The following ADCY10 variants were observed in gnomAD, a reference collection of about 807,000 sequenced individuals.
ADCY10 encodes adenylate cyclase 10, also known as adenylate cyclase type 10.
A neutral mutation model predicts 183.3 loss-of-function variants in ADCY10; 156 were observed. The ratio of observed to expected loss-of-function variants is 0.85; its 90% confidence interval spans 0.75 to 0.97. ADCY10 has a LOEUF of 0.97. Ranked by LOEUF, ADCY10 falls within the 50% of genes least tolerant of loss-of-function variation. The pLI, the probability that ADCY10 is intolerant of heterozygous loss-of-function variation, is 0.00. For synonymous variants in ADCY10, 645 were observed against 670.0 expected (o/e 0.96, Z 0.58); for missense variants, 1,745 against 1,934.3 (o/e 0.90, Z 1.84).
At chr1:167,900,682 G>A (rs368777510) in intron 5 of ADCY10, among the ~76,000 whole-genome samples, 3 of 151,996 alleles carry the variant, frequency 2.0e-5, no homozygotes, top group Non-Finnish European at 2.9e-5. Flanking sequence ...ACAGGCACCC[G>A]CCATCACGCC....
chr1:167,872,591 T>C (rs950680552), intron 13 of ADCY10, among the ~76,000 whole-genome samples: 16 of 151,860 alleles, frequency 1.1e-4, no homozygotes, highest in African/African-American at 3.9e-4. Context: ...TTATTTATTA[T>C]AGTTTTGTTG....
chr1:167,912,156 C>A (rs1292264111), intron 1 of ADCY10, among the ~76,000 whole-genome samples: 1 of 152,118 alleles, frequency 6.6e-6, no homozygotes, highest in Non-Finnish European at 1.5e-5. Context: ...TTTATTATGA[C>A]CTTTTTATGT....
At chr1:167,881,109 T>C (rs1239887904) in intron 9 of ADCY10, among the ~76,000 whole-genome samples, 2 of 152,218 alleles carry the variant, frequency 1.3e-5, no homozygotes, top group African/African-American at 2.4e-5. Flanking sequence ...AAAGAATTAA[T>C]GTGTTATATA....
At position 167,861,041 on chromosome 1, in the gene ADCY10, TA is replaced by T; in HGVS notation, c.1638del (p.Asn546LysfsTer20). The T allele has an allele frequency of 6.2e-7, 1 of 1,614,134 alleles. No homozygotes were observed. The highest frequency in any genetic ancestry group is 8.5e-7 in the Non-Finnish European group (1 of 1,179,980). Reference protein sequence around the residue: ...KNHRIIAISLNKISFHQTFYT... With the variant: ...KNHRIIAISLXKISFHQTFYT... Reference sequence around the variant, plus strand: ...TAGAAAGTTTGATGGAAGCTGATCTTATTCAATGAAATGGCAATAATCCTGT... The same window carrying T: ...TAGAAAGTTTGATGGAAGCTGATCTTTTCAATGAAATGGCAATAATCCTGT... On this transcript the variant is annotated frameshift_variant, in exon 15 of 33. Transcript: ENST00000367851. LOFTEE classifies it high-confidence loss of function.
At chr1:167,828,829 G>C (rs1022222889) in intron 26 of ADCY10, among the ~76,000 whole-genome samples, 3 of 152,014 alleles carry the variant, frequency 2.0e-5, no homozygotes, top group Admixed American at 6.6e-5. Flanking sequence ...GGGTGTGGTG[G>C]CGCATGCCTG....
At chr1:167,811,911 T>G (rs529754260) in intron 31 of ADCY10, among the ~76,000 whole-genome samples, 2 of 152,276 alleles carry the variant, frequency 1.3e-5, no homozygotes, top group Admixed American at 1.3e-4. Context: ...GCAGAATCTG[T>G]CAGAATGTAA....
rs554435180 is a variant in ADCY10 at position 167,894,366 on chromosome 1, T to C, written c.740-425A>G. Among the ~76,000 whole-genome samples the C allele has an allele frequency of 8.1e-4, 124 of 152,292 alleles. 1 individual carries two copies. Among genetic ancestry groups the C allele is most frequent in the African/African-American group, 2.9e-3 (120 of 41,566 alleles). On this transcript the variant is annotated intron_variant, in intron 7 of 32. Coordinates refer to ENST00000367851, the MANE Select transcript of ADCY10 (RefSeq NM_018417.6). ...AGAAGACTGGTTTCTGATCTCAGGCTTGATACCGCTTCACTGTGTGACCCT... is the reference window on the plus strand; with the variant it reads ...AGAAGACTGGTTTCTGATCTCAGGCCTGATACCGCTTCACTGTGTGACCCT...
At position 167,878,631 on chromosome 1, in the gene ADCY10, A is replaced by C; in HGVS notation, c.1221T>G (p.Ile407Met). The change falls in exon 12 of 33, where the codon ATT (isoleucine) becomes ATG (methionine). Residue 407 changes from isoleucine (I) to methionine (M), a missense_variant. Physicochemically the swap from Ile to Met is conservative, Grantham distance 10. Transcript: ENST00000367851. The stretch of plus-strand genomic sequence containing the variant: ...TGGCAGCTAAGTTGACTTTTTGACC[A>C]ATGACTATAGCAAGAAAGAGAAAGT... ...GHTVRHEYTVIGQKVNLAARM... is the reference protein window; with the variant it reads ...GHTVRHEYTVMGQKVNLAARM... 1 of 1,613,934 alleles carries C rather than the reference A, an allele frequency of 6.2e-7. No homozygotes were observed. The highest frequency in any genetic ancestry group is 8.5e-7 in the Non-Finnish European group (1 of 1,179,938).
intron 7 of ADCY10, 105 bp downstream of exon 7, chr1:167,896,490 C>T: frequency 3.4e-6 from 3 of 890,462 alleles, no homozygotes; most frequent in Non-Finnish European, 5.7e-6. Flanking sequence ...GGACCAGGAG[C>T]TGTGTTGAGG....
chr1:167,868,261 T>C (rs537067865), intron 14 of ADCY10, among the ~76,000 whole-genome samples: 112 of 152,286 alleles, frequency 7.4e-4, no homozygotes, highest in Non-Finnish European at 1.4e-3. Flanking sequence ...ATCAATGGCA[T>C]AAGAAGCCCG....
chr1:167,837,604 C>G (rs970630072), intron 21 of ADCY10, among the ~76,000 whole-genome samples: 1 of 152,190 alleles, frequency 6.6e-6, no homozygotes, highest in Non-Finnish European at 1.5e-5. Flanking sequence ...TGAAGGATAG[C>G]AAACCCACAA....
chr1:167,856,200 G>A lies in ADCY10; in HGVS notation c.2136C>T (p.Asp712=). ...PNDISNKICL[D]LNVSCISKEL... Reference sequence around the variant, plus strand: ...CTTTGGAGATGCAGCTCACATTGAGGTCAAGACAGATCTTGTTGGAGATGT... The same window carrying A: ...CTTTGGAGATGCAGCTCACATTGAGATCAAGACAGATCTTGTTGGAGATGT... Residue 712 remains aspartate, a synonymous_variant, in exon 17 of 33, where the codon GAC becomes GAT. Coordinates refer to ENST00000367851, the MANE Select transcript of ADCY10 (RefSeq NM_018417.6). The A allele has an allele frequency of 1.9e-6, 3 of 1,613,922 alleles. No homozygotes were observed. The highest frequency in any genetic ancestry group is 2.5e-6 in the Non-Finnish European group (3 of 1,179,856).
At chr1:167,878,237 T>G (rs1667614372) in intron 12 of ADCY10, among the ~76,000 whole-genome samples, 1 of 152,134 alleles carries the variant, frequency 6.6e-6, no homozygotes, top group Non-Finnish European at 1.5e-5. Flanking sequence ...TTCTCAGATC[T>G]GAGGAGAGAA....
At chr1:167,858,369 G>A (rs1181770289) in intron 16 of ADCY10, among the ~76,000 whole-genome samples, 2 of 151,696 alleles carry the variant, frequency 1.3e-5, no homozygotes, top group East Asian at 1.9e-4. Flanking sequence ...GTGGTGGTGC[G>A]TGCCTGTAGT....
rs149896591 is a variant in ADCY10, at chr1:167,874,835, T to C, written c.1462+296A>G. On this transcript the variant is annotated intron_variant, in intron 13 of 32. Transcript: ENST00000367851. Reference sequence around the variant, plus strand: ...AACAATATGGATGAATTATATAACATACCATTGAGTAAGAGAAAGTATATA... The same window carrying C: ...AACAATATGGATGAATTATATAACACACCATTGAGTAAGAGAAAGTATATA... Among the ~76,000 whole-genome samples the C allele has an allele frequency of 2.0e-5, 3 of 152,324 alleles. No individual in the cohort carries two copies. In the East Asian group the frequency reaches 5.8e-4, roughly 29 times the overall value.
At chr1:167,908,221 G>A (rs1048794745) in intron 1 of ADCY10, among the ~76,000 whole-genome samples, 5 of 152,162 alleles carry the variant, frequency 3.3e-5, no homozygotes, top group South Asian at 2.1e-4. Flanking sequence ...CTATTCAGCC[G>A]TAAAACAGAA....
At chr1:167,912,467 A>T (rs1336520805) in intron 1 of ADCY10, among the ~76,000 whole-genome samples, 1 of 152,228 alleles carries the variant, frequency 6.6e-6, no homozygotes, top group African/African-American at 2.4e-5. Context: ...GCATATTAAA[A>T]GGCTAGGGTG....
At chr1:167,861,154 T>C (rs1005098290) in intron 14 of ADCY10, 91 bp from the exon 15 acceptor site, 1 of 1,088,056 alleles carries the variant, frequency 9.2e-7, no homozygotes, top group Non-Finnish European at 1.4e-6. Flanking sequence ...TGTCTTCTCA[T>C]ATTCAGCTAT....
At chr1:167,858,234 T>A (rs2102033711) in intron 16 of ADCY10, among the ~76,000 whole-genome samples, 1 of 152,202 alleles carries the variant, frequency 6.6e-6, no homozygotes, top group South Asian at 2.1e-4. Flanking sequence ...GTGTGGTGGC[T>A]CACACCTGTA....
Sources: gnomAD v4.1 joint callset for allele counts (sites outside exome capture counted in the v4.1 genomes callset) on GRCh38, gnomAD v4.1.1 for gene constraint, MANE v1.5 for transcripts, NCBI Gene and HGNC (gene_info 2026-07-23, HGNC 2026-07-21) for gene names.